Variants in KAT14 observed in about 807,000 individuals in gnomAD.
KAT14 encodes the protein cysteine-rich protein 2-binding protein.
A neutral mutation model predicts 78.4 loss-of-function variants in KAT14; 66 were observed. The ratio of observed to expected loss-of-function variants is 0.84; its 90% CI spans 0.69 to 1.03. KAT14 has a LOEUF of 1.03. Among genes scored for constraint, KAT14 ranks in the 50% least tolerant of loss-of-function variants. KAT14 has a pLI of 0.00. For synonymous variants in KAT14, 344 were observed against 359.4 expected (o/e 0.96, Z 0.48); for missense variants, 870 against 972.5 (o/e 0.89, Z 1.40).
At chr20:18,154,748 CAATTA>C (rs1001461548) in intron 4 of KAT14, among the ~76,000 whole-genome samples, 4 of 152,122 alleles carry the variant, frequency 2.6e-5, no homozygotes, top group African/African-American at 7.2e-5. Flanking sequence ...AGCTAACTAC[CAATTA>C]AATTATGACA....
intron 7 of KAT14, among the ~76,000 whole-genome samples, chr20:18,166,270 G>A (rs1317361981): frequency 1.3e-5 from 2 of 152,170 alleles, no homozygotes; most frequent in Non-Finnish European, 2.9e-5. Flanking sequence ...CCACTGGCTG[G>A]AGCGGGACCT....
At chr20:18,148,485 A>T (rs913825608) in intron 3 of KAT14, among the ~76,000 whole-genome samples, 6 of 152,180 alleles carry the variant, frequency 3.9e-5, no homozygotes, top group Non-Finnish European at 8.8e-5. Flanking sequence ...TCTTCAGCAT[A>T]TACTGAGTAC....
rs1282516967 is a variant in KAT14 at position 18,145,054 on chromosome 20, G to A, written c.260-179G>A. On this transcript the variant is annotated intron_variant, in intron 2 of 10. Coordinates refer to ENST00000688188, the MANE Select transcript of KAT14 (RefSeq NM_001392073.1). The stretch of plus-strand genomic sequence containing the variant: ...TACAGATCTTAGTGGGCGTATACTT[G>A]GTGTTAGAAGAATAGAAATCTTTCT... 5 of 1,361,816 alleles carry A rather than the reference G, an allele frequency of 3.7e-6. No homozygotes were observed. The East Asian group carries it at 1.4e-4, about 37-fold the overall frequency. 84.4% of individuals were successfully genotyped at this position (1,361,816 alleles called of 1,614,324 possible). A position where few individuals can be genotyped will look rare whatever the true frequency, so the allele number is the denominator to read the frequency against.
At chr20:18,171,059 T>G (rs1193946207) in intron 7 of KAT14, among the ~76,000 whole-genome samples, 1 of 152,222 alleles carries the variant, frequency 6.6e-6, no homozygotes, top group Non-Finnish European at 1.5e-5. Flanking sequence ...CTGATAGATC[T>G]GGGCAAAGAC....
chr20:18,168,926 C>T (rs1429164956), intron 7 of KAT14, among the ~76,000 whole-genome samples: 3 of 152,072 alleles, frequency 2.0e-5, no homozygotes, highest in Admixed American at 1.3e-4. Context: ...TTCTGGTATT[C>T]CCATTGTGTG....
intron 8 of KAT14, among the ~76,000 whole-genome samples, chr20:18,182,557 C>G (rs2039298961): frequency 6.6e-6 from 1 of 152,222 alleles, no homozygotes; most frequent in African/African-American, 2.4e-5. Flanking sequence ...ATGTCATTGT[C>G]CAGGCAATGA....
chr20:18,178,982 T>C (rs1433092649), intron 7 of KAT14, among the ~76,000 whole-genome samples: 1 of 152,190 alleles, frequency 6.6e-6, no homozygotes, highest in Non-Finnish European at 1.5e-5. Context: ...ACAGCAGTTC[T>C]ACATGGGAGA....
intron 1 of KAT14, among the ~76,000 whole-genome samples, chr20:18,141,031 T>TTTTA (rs1219134714): frequency 1.2e-4 from 2 of 16,086 alleles, no homozygotes; most frequent in Non-Finnish European, 1.7e-4. Context: ...CAATTTTTTT[T>TTTTA]TTTTTTTTTT....
intron 1 of KAT14, among the ~76,000 whole-genome samples, chr20:18,141,287 C>G (rs1377318758): frequency 6.6e-6 from 1 of 152,030 alleles, no homozygotes; most frequent in Admixed American, 6.6e-5. Flanking sequence ...GGTCCACGTT[C>G]TGAAGTGCTG....
chr20:18,176,464 G>A (rs62205120), intron 7 of KAT14, among the ~76,000 whole-genome samples: 13,871 of 152,224 alleles, frequency 0.091, 756 homozygotes, highest in Non-Finnish European at 0.11. Context: ...GAGTGAACGC[G>A]GGGACAGTGA....
chr20:18,184,409 A>C (rs1167021820), intron 9 of KAT14, among the ~76,000 whole-genome samples, 193 bp from the exon 10 acceptor site: 1 of 150,780 alleles, frequency 6.6e-6, no homozygotes, highest in Non-Finnish European at 1.5e-5. Flanking sequence ...ATACTATGTA[A>C]TTTCAATATT....
intron 7 of KAT14, among the ~76,000 whole-genome samples, chr20:18,171,098 C>G (rs1044787466): frequency 6.6e-6 from 1 of 152,156 alleles, no homozygotes; most frequent in Non-Finnish European, 1.5e-5. Flanking sequence ...AAGGAGTCAT[C>G]ATTCTAGATG....
chr20:18,181,898 T>C, intron 8 of KAT14, 52 bp downstream of exon 8: 1 of 1,603,374 alleles, frequency 6.2e-7, no homozygotes, highest in Non-Finnish European at 8.5e-7. Context: ...GGGATAATGA[T>C]TGTGGTTTCT....
At chr20:18,161,697 G>A in intron 5 of KAT14, 126 bp from the exon 6 acceptor site, 1 of 1,322,564 alleles carries the variant, frequency 7.6e-7, no homozygotes, top group Non-Finnish European at 1.0e-6. Flanking sequence ...TCTGGGTTTG[G>A]GATACTCAGC....
chr20:18,145,579 G>A (rs1237529096), intron 3 of KAT14, among the ~76,000 whole-genome samples: 17 of 152,108 alleles, frequency 1.1e-4, no homozygotes, highest in Admixed American at 1.0e-3. Flanking sequence ...TCAGGACTTC[G>A]AGACCAGCCT....
At chr20:18,139,186 A>G (rs563966795) in intron 1 of KAT14, among the ~76,000 whole-genome samples, 1 of 152,330 alleles carries the variant, frequency 6.6e-6, no homozygotes, top group Non-Finnish European at 1.5e-5. Flanking sequence ...AGATGACTTA[A>G]CAATGAAAGG....
intron 3 of KAT14, among the ~76,000 whole-genome samples, chr20:18,147,654 G>T (rs546564487): frequency 6.6e-6 from 1 of 152,032 alleles, no homozygotes; most frequent in Non-Finnish European, 1.5e-5. Flanking sequence ...GCACAATCTC[G>T]GCTCACTGCA....
intron 7 of KAT14, among the ~76,000 whole-genome samples, chr20:18,168,768 T>G (rs1412873704): frequency 6.6e-6 from 1 of 152,178 alleles, no homozygotes; most frequent in Non-Finnish European, 1.5e-5. Flanking sequence ...ACTCTGTTCT[T>G]TTGGTCAGAG....
Position 18,137,954 on chromosome 20 carries a change from G to C in KAT14, c.-551G>C. ...AGAGAGGCCGCGGCCGCCAGCGTGG[G>C]GATGTCTAGGAGCTCGAAGGTGGTG... On this transcript the variant is annotated 5_prime_UTR_variant, in exon 1 of 11. Coordinates refer to ENST00000688188, the MANE Select transcript of KAT14 (RefSeq NM_001392073.1). 6.7e-7 allele frequency: 1 copy of C among 1,487,340 alleles called. No homozygotes were observed. Among genetic ancestry groups the C allele is most frequent in the Non-Finnish European group, 8.9e-7 (1 of 1,126,340 alleles). 92.1% of individuals were successfully genotyped at this position (1,487,340 alleles called of 1,614,324 possible). A position where few individuals can be genotyped will look rare whatever the true frequency, so the allele number is the denominator to read the frequency against.
Sources: allele counts gnomAD v4.1 joint callset (sites outside exome capture counted in the v4.1 genomes callset), GRCh38; gene constraint gnomAD v4.1.1; transcripts MANE v1.5; gene names NCBI Gene and HGNC (gene_info 2026-07-23, HGNC 2026-07-21).